The following PRIM2 variants were observed in gnomAD, a reference collection of about 807,000 sequenced individuals.
The protein encoded by PRIM2 is DNA primase subunit 2, also known as DNA primase large subunit.
A neutral mutation model predicts 67.3 loss-of-function variants in PRIM2; 39 were observed. The observed-to-expected ratio is 0.58, with a 90% confidence interval of 0.45 to 0.76. The LOEUF is 0.76. PRIM2 is among the 30% of genes least tolerant of loss of function. The probability of loss-of-function intolerance (pLI) is 0.00; values close to 1 mark genes in which losing one functional copy is unlikely to be tolerated. For synonymous variants in PRIM2, 143 were observed against 198.7 expected (o/e 0.72, Z 2.36); for missense variants, 398 against 598.7 (o/e 0.66, Z 3.50).
the PRIM2 span, among the ~76,000 whole-genome samples, chr6:57,267,864 C>G: frequency 6.6e-6 from 1 of 151,720 alleles, no homozygotes; most frequent in African/African-American, 2.4e-5. Flanking sequence ...GAGCCACCGT[C>G]CTGGCCTGGT....
At chr6:57,223,061 A>G in the PRIM2 span, among the ~76,000 whole-genome samples, 3 of 152,234 alleles carry the variant, frequency 2.0e-5, no homozygotes, top group Non-Finnish European at 4.4e-5. Context: ...ACCATCAACA[A>G]TAGAATAAAT....
intron 13 of PRIM2, among the ~76,000 whole-genome samples, chr6:57,644,361 A>T (rs1479484791): frequency 6.6e-6 from 1 of 151,872 alleles, no homozygotes; most frequent in South Asian, 2.1e-4. Context: ...CTCAAATAGC[A>T]CTCCTCTTAC....
At chr6:57,232,717 C>T in the PRIM2 span, among the ~76,000 whole-genome samples, 145,623 of 152,294 alleles carry the variant, frequency 0.96, 69,651 homozygotes, top group South Asian at 0.99. Context: ...AAACACCTTC[C>T]CTTTCTTACA....
chr6:57,480,336 G>A (rs1356769233), intron 7 of PRIM2, among the ~76,000 whole-genome samples: 1 of 152,150 alleles, frequency 6.6e-6, no homozygotes, highest in African/African-American at 2.4e-5. Flanking sequence ...AAAAAGAAAT[G>A]TATAGAGGAG....
Position 57,420,405 on chromosome 6 carries a change from A to T in PRIM2, c.693+38237A>T, listed in dbSNP as rs181872840. On this transcript the variant is annotated intron_variant, in intron 7 of 13. Coordinates refer to ENST00000615550, the MANE Select transcript of PRIM2 (RefSeq NM_000947.5). Reference sequence around the variant, plus strand: ...GTAATCCCAGCTACTCAGGAGGCTGAGGCAGGAGAATCCCTTGAACCCAGA... The same window carrying T: ...GTAATCCCAGCTACTCAGGAGGCTGTGGCAGGAGAATCCCTTGAACCCAGA... 6.4e-4 allele frequency among the ~76,000 whole-genome samples: 97 copies of T among 152,250 alleles called. 1 individual carries two copies. In the East Asian group the frequency reaches 0.018, roughly 28 times the overall value.
intron 10 of PRIM2, among the ~76,000 whole-genome samples, chr6:57,540,852 A>G (rs1775134213): frequency 6.6e-6 from 1 of 152,236 alleles, no homozygotes; most frequent in Non-Finnish European, 1.5e-5. Context: ...TACTGTGGTG[A>G]GCCTATAAGT....
chr6:57,454,362 GTACCA>G (rs1225967877), intron 7 of PRIM2, among the ~76,000 whole-genome samples: 1 of 152,178 alleles, frequency 6.6e-6, no homozygotes, highest in Non-Finnish European at 1.5e-5. Flanking sequence ...AGAAGGAATG[GTACCA>G]GTTCCTTCTT....
intron 7 of PRIM2, among the ~76,000 whole-genome samples, chr6:57,471,653 C>T (rs1195378280): frequency 6.6e-6 from 1 of 152,072 alleles, no homozygotes; most frequent in East Asian, 1.9e-4. Context: ...GATCAAGTGG[C>T]GTTTAATGCT....
intron 8 of PRIM2, among the ~76,000 whole-genome samples, chr6:57,511,259 C>T (rs1447116851): frequency 6.6e-6 from 1 of 151,944 alleles, no homozygotes; most frequent in Non-Finnish European, 1.5e-5. Flanking sequence ...TAGTTGAATC[C>T]AATTCTCAAG....
intron 7 of PRIM2, among the ~76,000 whole-genome samples, chr6:57,399,529 G>T (rs1770635866): frequency 1.3e-5 from 2 of 152,174 alleles, no homozygotes; most frequent in African/African-American, 4.8e-5. Flanking sequence ...ATAGCAGCAT[G>T]ATTTATAATC....
upstream of PRIM2, among the ~76,000 whole-genome samples, chr6:57,315,320 C>T (rs1001843106): frequency 6.6e-6 from 1 of 151,658 alleles, no homozygotes; most frequent in African/African-American, 2.4e-5. Flanking sequence ...GCTTTCATCA[C>T]ATTGTCCAGT....
At chr6:57,570,801 T>A (rs1775848272) in intron 10 of PRIM2, among the ~76,000 whole-genome samples, 1 of 152,218 alleles carries the variant, frequency 6.6e-6, no homozygotes, top group Admixed American at 6.5e-5. Context: ...TTATGGCTGA[T>A]GAGAAGATAA....
At chr6:57,512,260 A>T (rs1252244503) in intron 8 of PRIM2, among the ~76,000 whole-genome samples, 1 of 152,238 alleles carries the variant, frequency 6.6e-6, no homozygotes, top group African/African-American at 2.4e-5. Context: ...CATGTAAGGA[A>T]AAAGGACTGC....
chr6:57,510,133 T>C (rs1326154433), intron 8 of PRIM2, among the ~76,000 whole-genome samples: 1 of 152,042 alleles, frequency 6.6e-6, no homozygotes, highest in African/African-American at 2.4e-5. Context: ...ATTGTTATTG[T>C]TTGTTTACTG....
intron 7 of PRIM2, among the ~76,000 whole-genome samples, chr6:57,410,144 C>A (rs568412366): frequency 6.6e-6 from 1 of 151,790 alleles, no homozygotes; most frequent in Non-Finnish European, 1.5e-5. Flanking sequence ...CATGGTGAAA[C>A]CCTGTCTAAA....
chr6:57,524,929 A>G (rs1404442156), intron 8 of PRIM2, among the ~76,000 whole-genome samples: 2 of 151,954 alleles, frequency 1.3e-5, no homozygotes, highest in African/African-American at 4.8e-5. Context: ...AATTTTCATG[A>G]AAACAGAAAC....
intron 7 of PRIM2, among the ~76,000 whole-genome samples, chr6:57,452,038 G>T (rs35238273): frequency 9.4e-4 from 142 of 151,148 alleles, no homozygotes; most frequent in African/African-American, 3.4e-3. Context: ...CGGTGTTTGG[G>T]TTTTTGTCCT....
chr6:57,447,341 A>C (rs1772399419), intron 7 of PRIM2, among the ~76,000 whole-genome samples: 1 of 152,224 alleles, frequency 6.6e-6, no homozygotes, highest in Non-Finnish European at 1.5e-5. Flanking sequence ...GAAGTGACAC[A>C]CATATGAAAC....
At chr6:57,282,527 C>A in the PRIM2 span, among the ~76,000 whole-genome samples, 4 of 152,294 alleles carry the variant, frequency 2.6e-5, no homozygotes, top group African/African-American at 9.6e-5. Flanking sequence ...TCTCCCTGCT[C>A]CCTCCACCAA....
Sources: gnomAD v4.1 joint callset for allele counts (sites outside exome capture counted in the v4.1 genomes callset) on GRCh38, gnomAD v4.1.1 for gene constraint, MANE v1.5 for transcripts, NCBI Gene and HGNC (gene_info 2026-07-23, HGNC 2026-07-21) for gene names.